ANKRD36B: variants seen among roughly 807,000 people sequenced by gnomAD.
ANKRD36B encodes ankyrin repeat domain-containing protein 36B.
Under a neutral mutation model 135.7 loss-of-function variants are expected in ANKRD36B, and 37 were observed. That is an observed-to-expected ratio of 0.27 (90% CI 0.21 to 0.36). The LOEUF (loss-of-function observed/expected upper bound fraction) is 0.36, where lower values mean the gene tolerates loss of function less well. ANKRD36B is among the 10% of genes least tolerant of loss of function. The pLI, the probability that ANKRD36B is intolerant of heterozygous loss-of-function variation, is 1.00. For synonymous variants in ANKRD36B, 179 were observed against 348.1 expected, an observed-to-expected ratio of 0.51 and a Z score of 5.41; for missense variants, 549 against 1,037.1, an observed-to-expected ratio of 0.53 and a Z score of 6.46.
rs554354176 is a variant in ANKRD36B at position 97,543,709 on chromosome 2, C to T, written c.1783+81G>A. The T allele has an allele frequency of 5.5e-5, 8 of 144,884 alleles. 1 individual carries two copies. The highest frequency in any genetic ancestry group is 2.9e-4 in the South Asian group (8 of 27,526). The allele number at this position is 144,884 out of a possible 1,614,324, so 9.0% of individuals were successfully genotyped here. On this transcript the variant is annotated intron_variant, in intron 26 of 43. Transcript: ENST00000359901. ...AATCAGAATGTGCAGTTTTGATGAGCCCCACACTGATTTGTTCGGGGAAGA... is the reference window on the plus strand; with the variant it reads ...AATCAGAATGTGCAGTTTTGATGAGTCCCACACTGATTTGTTCGGGGAAGA...
intron 6 of ANKRD36B, among the ~76,000 whole-genome samples, chr2:97,566,730 G>C (rs2081463977): frequency 2.0e-5 from 3 of 152,110 alleles, no homozygotes. Flanking sequence ...GGTGCAGCTA[G>C]AACAGCAGTC....
chr2:97,524,697 A>C (rs1208339627), intron 35 of ANKRD36B: 1 of 97,124 alleles, frequency 1.0e-5, no homozygotes, highest in Middle Eastern at 4.9e-3. Context: ...TAGAGTTATT[A>C]TGTAGTTGCT....
intron 21 of ANKRD36B, 45 bp downstream of exon 21, chr2:97,547,658 G>A (rs2079601021): frequency 1.2e-5 from 19 of 1,554,508 alleles, no homozygotes; most frequent in Non-Finnish European, 1.4e-5. Context: ...ATGTTTCATA[G>A]ACTATACATT....
chr2:97,563,600 A>G (rs1379670721), intron 6 of ANKRD36B, among the ~76,000 whole-genome samples: 2 of 152,030 alleles, frequency 1.3e-5, no homozygotes, highest in Non-Finnish European at 2.9e-5. Context: ...TTTAACATTC[A>G]TGAAGGGGAG....
At chr2:97,573,938 A>C (rs895716249) in intron 6 of ANKRD36B, among the ~76,000 whole-genome samples, 5 of 152,112 alleles carry the variant, frequency 3.3e-5, no homozygotes, top group Admixed American at 6.6e-5. Context: ...AAAAACCCTA[A>C]AAGAAAACCT....
At chr2:97,568,793 A>AAAC (rs769484597) in intron 6 of ANKRD36B, among the ~76,000 whole-genome samples, 2 of 151,962 alleles carry the variant, frequency 1.3e-5, no homozygotes, top group African/African-American at 2.4e-5. Flanking sequence ...CTAGTGGGAA[A>AAAC]AACAACAACA....
At chr2:97,585,636 T>C (rs918977844) in intron 1 of ANKRD36B, among the ~76,000 whole-genome samples, 2 of 152,230 alleles carry the variant, frequency 1.3e-5, no homozygotes, top group African/African-American at 4.8e-5. Flanking sequence ...AGCTGTTATT[T>C]AGCCTTTCTT....
chr2:97,566,733 C>G lies in ANKRD36B; in HGVS notation c.764-5873G>C, dbSNP rs1483655501. Among the ~76,000 whole-genome samples, 5 of 152,192 alleles carry G rather than the reference C, an allele frequency of 3.3e-5. 1 individual carries two copies. The South Asian group carries it at 6.2e-4, about 19-fold the overall frequency. On this transcript the variant is annotated intron_variant, in intron 6 of 43. Transcript: ENST00000359901. ...ACAAATGAACCAGGTGCAGCTAGAA[C>G]AGCAGTCCCCCTTATCTGCTGTATG...
chr2:97,537,692 T>A (rs559677279), intron 32 of ANKRD36B, among the ~76,000 whole-genome samples: 1 of 96,436 alleles, frequency 1.0e-5, no homozygotes, highest in East Asian at 2.3e-4. Flanking sequence ...TTTCTTGCCT[T>A]GCAATCCCTC....
chr2:97,553,668 C>T (rs13386108), intron 14 of ANKRD36B, among the ~76,000 whole-genome samples: 9,502 of 151,810 alleles, frequency 0.063, 706 homozygotes, highest in African/African-American at 0.18. Flanking sequence ...ATGACAAATG[C>T]GATCAAAAAT....
At chr2:97,573,612 G>A (rs940789489) in intron 6 of ANKRD36B, among the ~76,000 whole-genome samples, 3 of 152,216 alleles carry the variant, frequency 2.0e-5, no homozygotes, top group Admixed American at 6.5e-5. Context: ...TAAAGCTGGA[G>A]GCATCACGCT....
In ANKRD36B at chr2:97,528,844, A is replaced by T. The variant is rs1576832637; in HGVS notation, c.2265+3467T>A. 2.1e-5 allele frequency among the ~76,000 whole-genome samples: 2 copies of T among 95,836 alleles called. 1 individual carries two copies. Among genetic ancestry groups the T allele is most frequent in the Non-Finnish European group, 5.5e-5 (2 of 36,134 alleles). 62.9% of individuals were successfully genotyped at this position (95,836 alleles called of 152,430 possible). ...TCCTGGACACATACACCCTCCCAAG[A>T]CTAAACCAGGAAGAAGTTGAATCTC... On this transcript the variant is annotated intron_variant, in intron 35 of 43. Coordinates refer to ENST00000359901, the MANE Select transcript of ANKRD36B (RefSeq NM_001393939.1).
intron 43 of ANKRD36B, among the ~76,000 whole-genome samples, chr2:97,498,313 A>G (rs1319341368): frequency 7.8e-5 from 6 of 76,586 alleles, no homozygotes; most frequent in South Asian, 7.0e-4. Context: ...TGATGACAAC[A>G]TTGAGGTATG....
intron 5 of ANKRD36B, among the ~76,000 whole-genome samples, chr2:97,576,868 A>G (rs1242664012): frequency 6.6e-6 from 1 of 152,058 alleles, no homozygotes; most frequent in Non-Finnish European, 1.5e-5. Context: ...GAGAAATAGT[A>G]AAGCAGTGGA....
At chr2:97,549,313 G>A in intron 20 of ANKRD36B, 106 bp downstream of exon 20, 2 of 1,346,142 alleles carry the variant, frequency 1.5e-6, no homozygotes, top group Non-Finnish European at 2.0e-6. Context: ...CTGGCCTGCT[G>A]AATCAGAAAG....
chr2:97,556,885 G>A (rs1183171544), intron 12 of ANKRD36B, 52 bp downstream of exon 12: 11 of 1,544,090 alleles, frequency 7.1e-6, no homozygotes, highest in South Asian at 2.4e-5. Flanking sequence ...GGGGTGGGAC[G>A]TTCTCTTCTG....
intron 35 of ANKRD36B, among the ~76,000 whole-genome samples, chr2:97,529,773 G>C (rs2104440772): frequency 1.1e-5 from 1 of 95,040 alleles, no homozygotes; most frequent in South Asian, 2.4e-4. Flanking sequence ...GACAAACAGA[G>C]AGCCAAATCA....
At chr2:97,577,883 C>G (rs915902909) in intron 5 of ANKRD36B, among the ~76,000 whole-genome samples, 1 of 151,886 alleles carries the variant, frequency 6.6e-6, no homozygotes, top group African/African-American at 2.4e-5. Flanking sequence ...GCTTCCACTA[C>G]CTGAGAAAAG....
intron 22 of ANKRD36B, 143 bp from the exon 23 acceptor site, chr2:97,546,004 A>T (rs1049602662): frequency 1.7e-4 from 142 of 848,034 alleles, no homozygotes; most frequent in Middle Eastern, 1.3e-3. Context: ...GTCTGGGGAC[A>T]AGAACATGAC....
Sources: gnomAD v4.1 joint callset for allele counts (sites outside exome capture counted in the v4.1 genomes callset) on GRCh38, gnomAD v4.1.1 for gene constraint, MANE v1.5 for transcripts, NCBI Gene and HGNC (gene_info 2026-07-23, HGNC 2026-07-21) for gene names.